Variants in PRDM2 observed in about 807,000 individuals in gnomAD.
The protein encoded by PRDM2 is PR/SET domain 2.
PRDM2 carries 30 observed loss-of-function variants against 130.0 expected under a neutral mutation model. The ratio of observed to expected loss-of-function variants is 0.23; its 90% confidence interval spans 0.17 to 0.31. PRDM2 has a LOEUF of 0.31. Ranked by LOEUF, PRDM2 falls within the 10% of genes least tolerant of loss-of-function variation. PRDM2 has a pLI of 1.00. For missense variants in PRDM2, 2,011 were observed against 2,108.4 expected (o/e 0.95, Z 0.90); for synonymous variants, 871 against 782.4 (o/e 1.11, Z -1.89).
intron 3 of PRDM2, among the ~76,000 whole-genome samples, chr1:13,731,823 G>T (rs1395514806): frequency 2.0e-5 from 3 of 152,158 alleles, no homozygotes; most frequent in Non-Finnish European, 2.9e-5. Flanking sequence ...CAATTTATAT[G>T]TACATATGTA....
intron 4 of PRDM2, among the ~76,000 whole-genome samples, chr1:13,736,021 AG>A (rs1292947313): frequency 6.6e-6 from 1 of 152,180 alleles, no homozygotes; most frequent in East Asian, 1.9e-4. Flanking sequence ...GAGATCAAAC[AG>A]CACATGCAGT....
chr1:13,810,333 C>A (rs1363257457), intron 8 of PRDM2, among the ~76,000 whole-genome samples: 1 of 152,178 alleles, frequency 6.6e-6, no homozygotes, highest in Admixed American at 6.5e-5. Flanking sequence ...CTGCTACAGA[C>A]TCTGTATTTG....
chr1:13,762,773 G>C (rs554021746), intron 6 of PRDM2, among the ~76,000 whole-genome samples: 1 of 152,184 alleles, frequency 6.6e-6, no homozygotes, highest in South Asian at 2.1e-4. Flanking sequence ...CGCTCCTCAG[G>C]CTTCCCGGCT....
At chr1:13,704,571 G>A (rs1173195158) in intron 1 of PRDM2, among the ~76,000 whole-genome samples, 1 of 152,144 alleles carries the variant, frequency 6.6e-6, no homozygotes, top group Non-Finnish European at 1.5e-5. Context: ...TTACTTCTTG[G>A]CACAGCTTGT....
In PRDM2 at chr1:13,780,448, A is replaced by G. The variant is rs1197653884; in HGVS notation, c.2653A>G (p.Thr885Ala). Residue 885 changes from threonine (T) to alanine (A), a missense_variant, in exon 8 of 10, where the codon ACC (threonine) becomes GCC (alanine). Thr to Ala is a moderately conservative substitution (Grantham distance 58). Around this residue, in one of 5 missense-constraint regions of PRDM2, gnomAD observed 1,288 missense variants for 1,237.7 expected, o/e 1.04. Transcript: ENST00000311066. ...TGCTGTAAAGAAAAGGAAACCAACC[A>G]CCTGCATGCTGCAGAAGGTTCTTCT... ...CSAVKKRKPT[T>A]CMLQKVLLNE... 1.9e-6 allele frequency: 3 copies of G among 1,614,016 alleles called. No homozygotes were observed. The highest frequency in any genetic ancestry group is 2.2e-5 in the East Asian group (1 of 44,890).
chr1:13,780,951 TTCTTCCTCCTCTTCA>T lies in PRDM2; in HGVS notation c.3168_3182del (p.Ser1059_Ser1063del), dbSNP rs780450262. 37 of 1,608,720 alleles carry T rather than the reference TTCTTCCTCCTCTTCA, an allele frequency of 2.3e-5. 1 individual carries two copies. The highest frequency in any genetic ancestry group is 2.0e-4 in the South Asian group (18 of 90,958). On this transcript the variant is annotated inframe_deletion, in exon 8 of 10. Coordinates refer to ENST00000311066, the MANE Select transcript of PRDM2 (RefSeq NM_001393986.1). ...CCTCACCCGGGCCTCCAACACTTTCTTCTTCCTCCTCTTCATCTTCCTCCTCCTCTTCGTTTTCTT... is the reference window on the plus strand; with the variant it reads ...CCTCACCCGGGCCTCCAACACTTTCTTCTTCCTCCTCCTCTTCGTTTTCTT...
chr1:13,808,849 C>T (rs960284115), intron 8 of PRDM2, among the ~76,000 whole-genome samples: 3 of 152,196 alleles, frequency 2.0e-5, no homozygotes, highest in South Asian at 2.1e-4. Flanking sequence ...AGAAACTGCC[C>T]GTGTGGGGGC....
At chr1:13,770,051 C>T (rs1257884486) in intron 6 of PRDM2, among the ~76,000 whole-genome samples, 1 of 152,152 alleles carries the variant, frequency 6.6e-6, no homozygotes, top group African/African-American at 2.4e-5. Context: ...GTTCATGCTG[C>T]GGTTGAGGCG....
intron 1 of PRDM2, among the ~76,000 whole-genome samples, chr1:13,708,119 CTGAGCTGGCACAT>C (rs1408078407): frequency 6.6e-6 from 1 of 151,896 alleles, no homozygotes; most frequent in African/African-American, 2.4e-5. Context: ...ACGTTTACTT[CTGAGCTGGCACAT>C]TATTAATGGA....
chr1:13,702,377 G>T (rs1642096309), intron 1 of PRDM2, among the ~76,000 whole-genome samples: 1 of 152,176 alleles, frequency 6.6e-6, no homozygotes, highest in South Asian at 2.1e-4. Flanking sequence ...TCTCAAGCCT[G>T]AGTTTTCTTT....
intron 8 of PRDM2, among the ~76,000 whole-genome samples, chr1:13,813,821 T>C (rs568041548): frequency 1.3e-4 from 20 of 152,282 alleles, no homozygotes; most frequent in African/African-American, 4.8e-4. Flanking sequence ...GTGGAGACGC[T>C]ATGGTTGCTG....
At chr1:13,809,291 G>T (rs1460420500) in intron 8 of PRDM2, among the ~76,000 whole-genome samples, 1 of 152,210 alleles carries the variant, frequency 6.6e-6, no homozygotes, top group Non-Finnish European at 1.5e-5. Flanking sequence ...TGGGAGGGGA[G>T]CCAGTGTGGA....
rs554422639 is a variant in PRDM2 at position 13,758,237 on chromosome 1, A to C, written c.511+8750A>C. Among the ~76,000 whole-genome samples the C allele has an allele frequency of 1.4e-3, 216 of 152,164 alleles. 1 individual carries two copies. The highest frequency in any genetic ancestry group is 2.4e-3 in the Non-Finnish European group (164 of 68,006). On this transcript the variant is annotated intron_variant, in intron 6 of 9. Transcript: ENST00000311066. The stretch of plus-strand genomic sequence containing the variant: ...GGTGGGTGGATCGCCTGAGGTCAGG[A>C]GTTTGAGAACAGCCTGGACAACATG...
chr1:13,758,595 A>G (rs560961624), intron 6 of PRDM2, among the ~76,000 whole-genome samples: 2 of 152,320 alleles, frequency 1.3e-5, no homozygotes, highest in Admixed American at 1.3e-4. Flanking sequence ...TGTTCTCTGA[A>G]AAATAGGAGA....
At chr1:13,759,994 T>G (rs1471880284) in intron 6 of PRDM2, among the ~76,000 whole-genome samples, 1 of 152,192 alleles carries the variant, frequency 6.6e-6, no homozygotes, top group African/African-American at 2.4e-5. Flanking sequence ...CCTTCCCTTG[T>G]TAGGTGGGTC....
At chr1:13,811,840 G>C (rs1012440632) in intron 8 of PRDM2, among the ~76,000 whole-genome samples, 1 of 152,240 alleles carries the variant, frequency 6.6e-6, no homozygotes, top group Non-Finnish European at 1.5e-5. Flanking sequence ...GTCAGAGAAG[G>C]CCTCTTTCAG....
intron 6 of PRDM2, among the ~76,000 whole-genome samples, chr1:13,765,258 C>G (rs1413669954): frequency 1.3e-5 from 2 of 152,318 alleles, no homozygotes; most frequent in East Asian, 3.9e-4. Context: ...AAGTCATTCT[C>G]TTACATTAAA....
intron 1 of PRDM2, among the ~76,000 whole-genome samples, chr1:13,715,196 T>C (rs751056476): frequency 3.9e-5 from 6 of 152,230 alleles, no homozygotes; most frequent in Non-Finnish European, 7.3e-5. Flanking sequence ...AAGACACTTA[T>C]ATTGCATAAT....
At chr1:13,815,671 A>T (rs1645245354) in intron 8 of PRDM2, among the ~76,000 whole-genome samples, 1 of 152,160 alleles carries the variant, frequency 6.6e-6, no homozygotes, top group South Asian at 2.1e-4. Context: ...AAAGGAGAGG[A>T]CTAATGGTGT....
Sources: allele counts gnomAD v4.1 joint callset (sites outside exome capture counted in the v4.1 genomes callset), GRCh38; gene constraint gnomAD v4.1.1; regional missense constraint gnomAD v4.1.1; transcripts MANE v1.5; gene names NCBI Gene and HGNC (gene_info 2026-07-23, HGNC 2026-07-21).